IL6ST: variants seen among roughly 807,000 people sequenced by gnomAD.
IL6ST encodes the protein interleukin 6 cytokine family signal transducer, also known as interleukin-6 receptor subunit beta.
In IL6ST, 24 loss-of-function variants were observed where a neutral mutation model predicts 91.3. The observed-to-expected ratio is 0.26, with a 90% CI of 0.19 to 0.37. The LOEUF (loss-of-function observed/expected upper bound fraction) is 0.37, where lower values mean the gene tolerates loss of function less well. Among genes scored for constraint, IL6ST ranks in the 10% least tolerant of loss-of-function variants. IL6ST has a pLI of 1.00. For missense variants in IL6ST, 914 were observed against 1,078.5 expected (o/e 0.85, Z 2.14); for synonymous variants, 351 against 373.6 (o/e 0.94, Z 0.70).
At position 55,935,138 on chromosome 5, in the gene IL6ST, C is replaced by G. The variant is rs977707391; in HGVS notation, c.*5944G>C. ...TTTTATTTTTGTGTGTGTGGATTAC[C>G]ACCATATAGCTCACCATGTTATCCC... On this transcript the variant is annotated 3_prime_UTR_variant, in exon 17 of 17. Coordinates refer to ENST00000381298, the MANE Select transcript of IL6ST (RefSeq NM_002184.4). The G allele has an allele frequency of 5.6e-6, 1 of 177,400 alleles. No homozygotes were observed. The highest frequency in any genetic ancestry group is 9.4e-5 in the East Asian group (1 of 10,632). The allele number at this position is 177,400 out of a possible 1,614,324, so 11.0% of individuals were successfully genotyped here.
chr5:55,961,851 T>C (rs562992230), intron 7 of IL6ST, among the ~76,000 whole-genome samples: 1 of 151,776 alleles, frequency 6.6e-6, no homozygotes, highest in Admixed American at 6.6e-5. Context: ...TCCTGCCTAG[T>C]CCCTTCCTTC....
intron 4 of IL6ST, among the ~76,000 whole-genome samples, chr5:55,969,295 T>C (rs1752816699): frequency 6.6e-6 from 1 of 152,190 alleles, no homozygotes; most frequent in Admixed American, 6.5e-5. Context: ...ACCATCATTA[T>C]GTCAATTCAA....
chr5:55,984,401 T>C (rs1280364788), intron 1 of IL6ST, among the ~76,000 whole-genome samples: 1 of 152,196 alleles, frequency 6.6e-6, no homozygotes, highest in Non-Finnish European at 1.5e-5. Flanking sequence ...TTGGATGTTA[T>C]AGTGGAGTAT....
rs57970223 is a variant in IL6ST at position 55,936,341 on chromosome 5, G to GTTT, written c.*4738_*4740dup. 18 of 149,262 alleles carry GTTT rather than the reference G, an allele frequency of 1.2e-4. No individual in the cohort carries two copies. The highest frequency in any genetic ancestry group is 3.1e-4 in the East Asian group (3 of 9,650). 9.2% of individuals were successfully genotyped at this position (149,262 alleles called of 1,614,324 possible). A position where few individuals can be genotyped will look rare whatever the true frequency, so the allele number is the denominator to read the frequency against. On this transcript the variant is annotated 3_prime_UTR_variant, in exon 17 of 17. Transcript: ENST00000381298. Reference sequence around the variant, plus strand: ...ACTTGGGCTCTTGACAACCAAGTAGGTTTTTTTTTTTTTTTTTTTTTTTAA... The same window carrying GTTT: ...ACTTGGGCTCTTGACAACCAAGTAGGTTTTTTTTTTTTTTTTTTTTTTTTTTAA...
intron 2 of IL6ST, among the ~76,000 whole-genome samples, chr5:55,980,819 T>G (rs1170207909): frequency 6.6e-6 from 1 of 152,270 alleles, no homozygotes; most frequent in African/African-American, 2.4e-5. Flanking sequence ...AATATTGTTT[T>G]ATTAAATATA....
chr5:55,944,465 CT>C (rs766835615), intron 15 of IL6ST, among the ~76,000 whole-genome samples: 2 of 152,052 alleles, frequency 1.3e-5, no homozygotes, highest in Non-Finnish European at 2.9e-5. Flanking sequence ...ACAAAAAATA[CT>C]TTTGTCATGA....
chr5:55,963,153 A>G (rs556593713), intron 7 of IL6ST, among the ~76,000 whole-genome samples, 199 bp downstream of exon 7: 2 of 151,986 alleles, frequency 1.3e-5, no homozygotes, highest in South Asian at 4.2e-4. Context: ...CTTAAAGGCT[A>G]CTGTATTTAG....
At chr5:55,963,321 C>G (rs1480364828) in intron 7 of IL6ST, 31 bp downstream of exon 7, 1 of 1,473,804 alleles carries the variant, frequency 6.8e-7, no homozygotes, top group East Asian at 2.3e-5. Context: ...GAAAGAAGGA[C>G]TATTTGAATA....
At position 55,976,842 on chromosome 5, in the gene IL6ST, A is replaced by C. The variant is rs571464070; in HGVS notation, c.-15-549T>G. On this transcript the variant is annotated intron_variant, in intron 2 of 16. Coordinates refer to ENST00000381298, the MANE Select transcript of IL6ST (RefSeq NM_002184.4). Reference sequence around the variant, plus strand: ...CTTTCAACCTCACTCAAAATGAGAGATATAAATTAGAACTACTCAGATAGG... The same window carrying C: ...CTTTCAACCTCACTCAAAATGAGAGCTATAAATTAGAACTACTCAGATAGG... Among the ~76,000 whole-genome samples the C allele has an allele frequency of 1.8e-4, 27 of 152,356 alleles. No individual in the cohort carries two copies. The South Asian group carries it at 2.9e-3, about 16-fold the overall frequency.
intron 8 of IL6ST, among the ~76,000 whole-genome samples, chr5:55,958,313 T>C (rs921132672): frequency 6.6e-6 from 1 of 152,180 alleles, no homozygotes; most frequent in African/African-American, 2.4e-5. Context: ...TAAAAATACC[T>C]GTAGTATTAA....
In IL6ST at chr5:55,947,531, A is replaced by G. The variant is rs752645458; in HGVS notation, c.1899T>C (p.Thr633=). 6 of 1,526,474 alleles carry G rather than the reference A, an allele frequency of 3.9e-6. No homozygotes were observed. Among genetic ancestry groups the G allele is most frequent in the Non-Finnish European group, 5.3e-6 (6 of 1,126,366 alleles). 94.6% of individuals were successfully genotyped at this position (1,526,474 alleles called of 1,614,324 possible). The stretch of plus-strand genomic sequence containing the variant: ...TAAAGCAGAACAGCACTCCCAGAAG[A>G]GTTGTCAATAGGAATGCTAAGCAAA... The part of the protein sequence containing the change: ...VPVCLAFLLT[T]LLGVLFCFNK... The change falls in exon 15 of 17, where the codon ACT becomes ACC. Residue 633 remains threonine, a synonymous_variant. Transcript: ENST00000381298.
chr5:55,947,185 G>A (rs575790451), intron 15 of IL6ST, among the ~76,000 whole-genome samples: 1 of 152,268 alleles, frequency 6.6e-6, no homozygotes, highest in East Asian at 1.9e-4. Flanking sequence ...GGCAACAAGA[G>A]TGAAACTCTG....
intron 8 of IL6ST, among the ~76,000 whole-genome samples, chr5:55,959,375 T>A (rs1050891739): frequency 6.6e-6 from 1 of 152,152 alleles, no homozygotes; most frequent in African/African-American, 2.4e-5. Context: ...CTAGAAGAGC[T>A]GGAAGTAAAG....
In IL6ST at chr5:55,967,262, A is replaced by C. The variant is rs955975431; in HGVS notation, c.491+1014T>G. 4.2e-4 allele frequency among the ~76,000 whole-genome samples: 58 copies of C among 139,452 alleles called. 1 individual carries two copies. Among genetic ancestry groups the C allele is most frequent in the Non-Finnish European group, 1.7e-4 (11 of 65,514 alleles). 91.5% of individuals were successfully genotyped at this position (139,452 alleles called of 152,430 possible). On this transcript the variant is annotated intron_variant, in intron 5 of 16. Transcript: ENST00000381298. ...GAAGCGGAGGTTGCAGTGAGCAGAG[A>C]TCATGCCACTGTACTCCAGCCTAGG...
intron 1 of IL6ST, among the ~76,000 whole-genome samples, chr5:55,987,185 T>C (rs1469210729): frequency 1.3e-5 from 2 of 152,160 alleles, no homozygotes; most frequent in Non-Finnish European, 2.9e-5. Context: ...GTGGTTACCA[T>C]TTCTAGAGCT....
At chr5:55,985,174 T>C (rs1753886350) in intron 1 of IL6ST, among the ~76,000 whole-genome samples, 1 of 152,186 alleles carries the variant, frequency 6.6e-6, no homozygotes, top group Admixed American at 6.6e-5. Flanking sequence ...TAAAGTTCAA[T>C]TCATCAATTT....
chr5:55,944,214 A>G (rs549288567), intron 15 of IL6ST, among the ~76,000 whole-genome samples: 159 of 152,344 alleles, frequency 1.0e-3, no homozygotes, highest in African/African-American at 3.6e-3. Flanking sequence ...TACTATATGT[A>G]CTAGAGGTCT....
At position 55,951,569 on chromosome 5, in the gene IL6ST, A is replaced by G. The variant is rs1247616729; in HGVS notation, c.1735T>C (p.Leu579=). The change falls in exon 14 of 17, where the codon TTG becomes CTG. Residue 579 remains leucine (L), a synonymous_variant. Coordinates refer to ENST00000381298, the MANE Select transcript of IL6ST (RefSeq NM_002184.4). ...AATGTGTCACTAGTCAAAGAGGACA[A>G]TGTATATTCTGTGTGGGAAGAATCC... The part of the protein sequence containing the change: ...NVDSSHTEYT[L]SSLTSDTLYM... The G allele has an allele frequency of 1.2e-6, 2 of 1,612,526 alleles. No homozygotes were observed. Among genetic ancestry groups the G allele is most frequent in the East Asian group, 4.5e-5 (2 of 44,854 alleles).
At chr5:55,955,139 T>G (rs957482845) in intron 10 of IL6ST, 147 bp from the exon 11 acceptor site, 19 of 613,138 alleles carry the variant, frequency 3.1e-5, no homozygotes, top group Non-Finnish European at 4.4e-5. Flanking sequence ...AACTTACAGG[T>G]AAAGTAGTCA....
Sources: allele counts gnomAD v4.1 joint callset (sites outside exome capture counted in the v4.1 genomes callset), GRCh38; gene constraint gnomAD v4.1.1; transcripts MANE v1.5; gene names NCBI Gene and HGNC (gene_info 2026-07-23, HGNC 2026-07-21).